Variants in OSBPL10 observed in about 807,000 individuals in gnomAD.
The protein encoded by OSBPL10 is oxysterol-binding protein-related protein 10.
Under a neutral mutation model 81.7 loss-of-function variants are expected in OSBPL10, and 49 were observed. The ratio of observed to expected loss-of-function variants is 0.60; its 90% CI spans 0.48 to 0.76. The LOEUF (loss-of-function observed/expected upper bound fraction) is 0.76. Ranked by LOEUF, OSBPL10 falls within the 30% of genes least tolerant of loss-of-function variation. The pLI is 0.00. For missense variants in OSBPL10, 923 were observed against 987.8 expected, an observed-to-expected ratio of 0.93 and a Z score of 0.88; for synonymous variants, 419 against 383.6, an observed-to-expected ratio of 1.09 and a Z score of -1.08.
intron 2 of OSBPL10, among the ~76,000 whole-genome samples, chr3:32,000,978 G>A (rs192823134): frequency 3.2e-4 from 48 of 152,276 alleles, no homozygotes; most frequent in African/African-American, 9.4e-4. Context: ...CTTGGGGAAG[G>A]GGACTTGGAG....
chr3:31,902,751 A>G (rs1696287534), intron 1 of OSBPL10, among the ~76,000 whole-genome samples: 2 of 152,096 alleles, frequency 1.3e-5, no homozygotes, highest in Admixed American at 6.5e-5. Context: ...TTTTCAGTAG[A>G]GACCAAGTTT....
chr3:32,007,400 C>A (rs138784979), intron 2 of OSBPL10, among the ~76,000 whole-genome samples: 5 of 152,228 alleles, frequency 3.3e-5, no homozygotes, highest in East Asian at 3.9e-4. Context: ...TAAATGTATT[C>A]TTTCACCATT....
intron 6 of OSBPL10, among the ~76,000 whole-genome samples, chr3:31,727,857 G>T (rs1458703599): frequency 6.6e-6 from 1 of 152,180 alleles, no homozygotes; most frequent in Non-Finnish European, 1.5e-5. Context: ...TGATAAAAAT[G>T]TGTTGAGGGG....
chr3:31,754,426 G>A (rs1453911750), intron 4 of OSBPL10, among the ~76,000 whole-genome samples: 1 of 152,208 alleles, frequency 6.6e-6, no homozygotes, highest in Admixed American at 6.5e-5. Flanking sequence ...AGCTCCAGTG[G>A]AGAGAGGGTG....
At chr3:31,883,792 G>A (rs958304862) in intron 1 of OSBPL10, among the ~76,000 whole-genome samples, 1 of 152,160 alleles carries the variant, frequency 6.6e-6, no homozygotes, top group African/African-American at 2.4e-5. Context: ...CCCACGTGCT[G>A]GAATTACAGG....
At chr3:31,821,811 G>T (rs1699987590) in intron 4 of OSBPL10, among the ~76,000 whole-genome samples, 1 of 152,162 alleles carries the variant, frequency 6.6e-6, no homozygotes, top group Admixed American at 6.5e-5. Flanking sequence ...ATTCAATTCT[G>T]CCAGTACAGA....
At chr3:31,870,547 C>T (rs1380386838) in intron 3 of OSBPL10, among the ~76,000 whole-genome samples, 1 of 152,372 alleles carries the variant, frequency 6.6e-6, no homozygotes, top group East Asian at 1.9e-4. Context: ...AGCCCCGGTG[C>T]GGGATCCACT....
chr3:32,008,760 G>T, intron 2 of OSBPL10, among the ~76,000 whole-genome samples: 1 of 114,504 alleles, frequency 8.7e-6, no homozygotes, highest in South Asian at 2.8e-4. Context: ...ATCCTGACTG[G>T]AAAAAAAAAA....
At chr3:32,056,759 G>C (rs886297233) in intron 1 of OSBPL10, among the ~76,000 whole-genome samples, 4 of 152,160 alleles carry the variant, frequency 2.6e-5, no homozygotes, top group African/African-American at 7.2e-5. Context: ...GTTTGAACCA[G>C]AGCAACTCCA....
intron 1 of OSBPL10, among the ~76,000 whole-genome samples, chr3:31,955,473 C>A (rs185314756): frequency 2.0e-5 from 3 of 152,324 alleles, no homozygotes; most frequent in Non-Finnish European, 1.5e-5. Flanking sequence ...TCAGGCATGG[C>A]ACTGCAGCCA....
At chr3:31,949,667 CAAAAAAAAAAAAAAAAAAA>C (rs56002214) in intron 1 of OSBPL10, among the ~76,000 whole-genome samples, 12 of 26,262 alleles carry the variant, frequency 4.6e-4, no homozygotes, top group African/African-American at 1.8e-3. Context: ...GACTCTGTCT[CAAAAAAAAAAAAAAAAAAA>C]AAAAAAAAAA....
chr3:31,663,480 C>A (rs1700114736), intron 11 of OSBPL10: 3 of 991,756 alleles, frequency 3.0e-6, no homozygotes, highest in Non-Finnish European at 2.4e-6. Context: ...AGCATAAGGG[C>A]TTCAGCTGGG....
upstream of OSBPL10, chr3:32,077,600 C>G (rs1267529120): frequency 6.6e-6 from 1 of 152,152 alleles, no homozygotes; most frequent in Non-Finnish European, 1.5e-5. Flanking sequence ...CTCAGGTGGG[C>G]ATGTGGACAA....
chr3:31,992,051 C>T (rs911753565), intron 2 of OSBPL10, among the ~76,000 whole-genome samples: 4 of 150,546 alleles, frequency 2.7e-5, no homozygotes, highest in African/African-American at 9.8e-5. Context: ...GAGGCTGAGG[C>T]AGGAGAATCA....
chr3:31,756,911 T>C (rs1697905206), intron 4 of OSBPL10, among the ~76,000 whole-genome samples: 1 of 152,180 alleles, frequency 6.6e-6, no homozygotes, highest in African/African-American at 2.4e-5. Flanking sequence ...AATGGAAAAG[T>C]GTTCAGAAAC....
chr3:31,780,376 G>A (rs1229166828), intron 4 of OSBPL10, among the ~76,000 whole-genome samples: 1 of 151,494 alleles, frequency 6.6e-6, no homozygotes, highest in Non-Finnish European at 1.5e-5. Context: ...ATTTGAAAGA[G>A]CACAAATAGA....
At chr3:31,705,047 G>C (rs1696014925) in intron 6 of OSBPL10, 1 of 152,210 alleles carries the variant, frequency 6.6e-6, no homozygotes, top group Non-Finnish European at 1.5e-5. Flanking sequence ...TGCCCCAGAA[G>C]CTGAGTCATC....
At chr3:31,891,555 T>C (rs1393121641) in intron 1 of OSBPL10, among the ~76,000 whole-genome samples, 1 of 152,230 alleles carries the variant, frequency 6.6e-6, no homozygotes, top group Non-Finnish European at 1.5e-5. Flanking sequence ...AATTTCCAAA[T>C]GTTCATATCA....
At chr3:31,819,717 G>A (rs1264257840) in intron 4 of OSBPL10, among the ~76,000 whole-genome samples, 2 of 152,216 alleles carry the variant, frequency 1.3e-5, no homozygotes, top group South Asian at 2.1e-4. Flanking sequence ...CTTCACACGC[G>A]TGTGACTTCT....
Sources: gnomAD v4.1 joint callset for allele counts (sites outside exome capture counted in the v4.1 genomes callset) on GRCh38, gnomAD v4.1.1 for gene constraint, MANE v1.5 for transcripts, NCBI Gene and HGNC (gene_info 2026-07-23, HGNC 2026-07-21) for gene names.